Variants in RGS10 observed in about 807,000 individuals in gnomAD.
RGS10 encodes regulator of G protein signaling 10.
In RGS10, 11 loss-of-function variants were observed where a neutral mutation model predicts 23.5. The observed-to-expected ratio is 0.47, with a 90% CI of 0.29 to 0.77. RGS10 has a LOEUF of 0.77. Among genes scored for constraint, RGS10 ranks in the 30% least tolerant of loss-of-function variants. The pLI is 0.08. For missense variants in RGS10, 180 were observed against 226.3 expected, an observed-to-expected ratio of 0.80 and a Z score of 1.31; for synonymous variants, 77 against 83.2, an observed-to-expected ratio of 0.92 and a Z score of 0.41.
At chr10:119,502,488 A>T (rs1227438318) in intron 4 of RGS10, among the ~76,000 whole-genome samples, 1 of 152,166 alleles carries the variant, frequency 6.6e-6, no homozygotes, top group Non-Finnish European at 1.5e-5. Context: ...GTCTCGTGTG[A>T]AGTCTGCATG....
chr10:119,529,408 C>G (rs548483341), intron 1 of RGS10, among the ~76,000 whole-genome samples: 52 of 152,020 alleles, frequency 3.4e-4, no homozygotes, highest in African/African-American at 1.3e-3. Context: ...GAGCCAAGAT[C>G]GTGCCACTGC....
chr10:119,507,833 C>T (rs1300916027), intron 4 of RGS10, among the ~76,000 whole-genome samples: 1 of 151,914 alleles, frequency 6.6e-6, no homozygotes, highest in East Asian at 1.9e-4. Context: ...GATCCGCCCA[C>T]CTCAGCCTCC....
chr10:119,505,030 A>G (rs1389323623), intron 4 of RGS10, among the ~76,000 whole-genome samples: 3 of 152,178 alleles, frequency 2.0e-5, no homozygotes, highest in Non-Finnish European at 2.9e-5. Flanking sequence ...CCCCGGCTCA[A>G]ACACAGAAAA....
At chr10:119,510,286 T>C (rs551926386) in intron 4 of RGS10, among the ~76,000 whole-genome samples, 1 of 152,144 alleles carries the variant, frequency 6.6e-6, no homozygotes, top group East Asian at 1.9e-4. Flanking sequence ...AACTGAACTT[T>C]CACCACCCCC....
intron 4 of RGS10, among the ~76,000 whole-genome samples, chr10:119,513,787 G>A (rs1000208429): frequency 1.1e-4 from 17 of 152,138 alleles, no homozygotes; most frequent in Non-Finnish European, 2.4e-4. Context: ...GGGCCTCACC[G>A]AGCTTTGAGA....
At chr10:119,529,826 G>C (rs529131979) in intron 1 of RGS10, among the ~76,000 whole-genome samples, 1 of 152,324 alleles carries the variant, frequency 6.6e-6, no homozygotes, top group Admixed American at 6.5e-5. Flanking sequence ...GGGCGAGGTG[G>C]CTCACTCCTG....
In RGS10 at chr10:119,514,272, G is replaced by A. The variant is rs944405479; in HGVS notation, c.399+1237C>T. Among the ~76,000 whole-genome samples, 13 of 152,090 alleles carry A rather than the reference G, an allele frequency of 8.5e-5. No homozygotes were observed. In the South Asian group the frequency reaches 1.0e-3, roughly 12 times the overall value. ...GTAGGGAGGCTGAGGCAGGAGAATC[G>A]CTTTAACTCAGGAGGCAGAGGTGGC... On this transcript the variant is annotated intron_variant, in intron 4 of 4. Transcript: ENST00000369103.
At chr10:119,516,673 C>A (rs1044574269) in intron 3 of RGS10, among the ~76,000 whole-genome samples, 2 of 152,170 alleles carry the variant, frequency 1.3e-5, no homozygotes, top group Non-Finnish European at 2.9e-5. Flanking sequence ...AAGCAGGAGC[C>A]GTGAGTAGGT....
At chr10:119,525,596 G>A (rs1844265024) in intron 3 of RGS10, among the ~76,000 whole-genome samples, 2 of 152,192 alleles carry the variant, frequency 1.3e-5, no homozygotes, top group South Asian at 4.1e-4. Flanking sequence ...TTCTCTGCAG[G>A]ATGCTCGCCA....
At chr10:119,542,551 G>T (rs987349294) in intron 1 of RGS10, 39 bp downstream of exon 1, 2 of 1,369,416 alleles carry the variant, frequency 1.5e-6, no homozygotes, top group African/African-American at 3.0e-5. Flanking sequence ...GCGAAACGGC[G>T]CCCCGACCCC....
intron 3 of RGS10, 87 bp from the exon 4 acceptor site, chr10:119,515,739 G>T: frequency 6.5e-7 from 1 of 1,529,002 alleles, no homozygotes; most frequent in South Asian, 1.2e-5. Flanking sequence ...CAGGCCCACA[G>T]GAGCTGCTGT....
At chr10:119,506,551 T>C (rs1375985038) in intron 4 of RGS10, among the ~76,000 whole-genome samples, 2 of 152,228 alleles carry the variant, frequency 1.3e-5, no homozygotes, top group Non-Finnish European at 2.9e-5. Context: ...CGCTTTTTTC[T>C]ACCGTCCACA....
intron 4 of RGS10, among the ~76,000 whole-genome samples, chr10:119,500,537 AC>A (rs1326461619): frequency 6.6e-6 from 1 of 151,896 alleles, no homozygotes; most frequent in African/African-American, 2.4e-5. Context: ...ACTGATTCAG[AC>A]CCTTGTACCA....
chr10:119,540,381 G>T (rs1300458125), intron 1 of RGS10, among the ~76,000 whole-genome samples: 1 of 152,180 alleles, frequency 6.6e-6, no homozygotes, highest in Non-Finnish European at 1.5e-5. Flanking sequence ...CGTCTAAGGA[G>T]CTGGGACTAC....
intron 1 of RGS10, among the ~76,000 whole-genome samples, chr10:119,529,913 G>A (rs1318560405): frequency 6.6e-6 from 1 of 152,132 alleles, no homozygotes; most frequent in Non-Finnish European, 1.5e-5. Flanking sequence ...CCAACATGGT[G>A]AAACCCTGTC....
chr10:119,541,346 G>A (rs1259630172), intron 1 of RGS10, among the ~76,000 whole-genome samples: 1 of 152,120 alleles, frequency 6.6e-6, no homozygotes, highest in African/African-American at 2.4e-5. Context: ...AGTACTTGCC[G>A]GGCAACAATG....
intron 4 of RGS10, among the ~76,000 whole-genome samples, chr10:119,508,952 T>C (rs569418535): frequency 5.3e-5 from 8 of 151,362 alleles, no homozygotes; most frequent in African/African-American, 1.7e-4. Context: ...ATTTTAAAAA[T>C]TAGCCAAGTG....
intron 1 of RGS10, among the ~76,000 whole-genome samples, chr10:119,539,492 C>T (rs1008934746): frequency 6.6e-6 from 1 of 152,138 alleles, no homozygotes; most frequent in Admixed American, 6.5e-5. Flanking sequence ...CAGCTATCAA[C>T]AATGCAAGGT....
intron 1 of RGS10, among the ~76,000 whole-genome samples, chr10:119,540,078 GGGT>G (rs1844422905): frequency 1.3e-5 from 2 of 152,122 alleles, no homozygotes; most frequent in Non-Finnish European, 1.5e-5. Context: ...TCACACGGCT[GGGT>G]GGTGATGACC....
Sources: gnomAD v4.1 joint callset for allele counts (sites outside exome capture counted in the v4.1 genomes callset) on GRCh38, gnomAD v4.1.1 for gene constraint, MANE v1.5 for transcripts, NCBI Gene and HGNC (gene_info 2026-07-23, HGNC 2026-07-21) for gene names.